The following SEMA5A variants were observed in gnomAD, a reference collection of about 807,000 sequenced individuals.
The protein encoded by SEMA5A is semaphorin 5A.
In SEMA5A, 55 loss-of-function variants were observed where a neutral mutation model predicts 135.5. The observed-to-expected ratio is 0.41, with a 90% CI of 0.33 to 0.51. The LOEUF (loss-of-function observed/expected upper bound fraction) is 0.51, where lower values mean the gene tolerates loss of function less well. Ranked by LOEUF, SEMA5A falls within the 20% of genes least tolerant of loss-of-function variation. SEMA5A has a pLI of 0.37. For synonymous variants in SEMA5A, 580 were observed against 546.5 expected (o/e 1.06, Z -0.85); for missense variants, 1,290 against 1,419.9 (o/e 0.91, Z 1.47).
intron 7 of SEMA5A, among the ~76,000 whole-genome samples, chr5:9,225,568 C>CAAA (rs3034595): frequency 0.041 from 4,576 of 112,214 alleles, 316 homozygotes; most frequent in African/African-American, 0.14. Flanking sequence ...GACTCTGTCT[C>CAAA]AAAAAAAAAA....
intron 16 of SEMA5A, among the ~76,000 whole-genome samples, chr5:9,075,350 A>G (rs763513235): frequency 6.6e-6 from 1 of 152,310 alleles, no homozygotes; most frequent in Middle Eastern, 3.4e-3. Flanking sequence ...AATGAAACAC[A>G]TGCCCATACA....
chr5:9,050,205 G>A (rs893789890), intron 21 of SEMA5A, among the ~76,000 whole-genome samples: 2 of 152,034 alleles, frequency 1.3e-5, no homozygotes, highest in African/African-American at 2.4e-5. Context: ...GTGGGTCTAC[G>A]CACCCCATTT....
At chr5:9,348,709 A>T (rs577235846) in intron 3 of SEMA5A, among the ~76,000 whole-genome samples, 1 of 152,334 alleles carries the variant, frequency 6.6e-6, no homozygotes, top group Admixed American at 6.5e-5. Flanking sequence ...AAAAATGAAC[A>T]ATTTCTATTC....
chr5:9,432,475 T>A (rs947718899), intron 2 of SEMA5A, among the ~76,000 whole-genome samples: 1 of 152,154 alleles, frequency 6.6e-6, no homozygotes, highest in African/African-American at 2.4e-5. Flanking sequence ...TTGGTCTCTT[T>A]GTCTAGTTTA....
intron 1 of SEMA5A, among the ~76,000 whole-genome samples, chr5:9,484,636 C>T (rs1169978753): frequency 1.3e-5 from 2 of 152,132 alleles, no homozygotes; most frequent in African/African-American, 4.8e-5. Flanking sequence ...TTATAAATGC[C>T]ATCACAGTTA....
chr5:9,513,594 C>T (rs960585849), intron 1 of SEMA5A, among the ~76,000 whole-genome samples: 16 of 152,088 alleles, frequency 1.1e-4, no homozygotes, highest in Admixed American at 2.6e-4. Flanking sequence ...GATATTGTGG[C>T]GGCGGCAGCT....
chr5:9,225,815 C>T (rs1747277434), intron 7 of SEMA5A, among the ~76,000 whole-genome samples: 2 of 152,042 alleles, frequency 1.3e-5, no homozygotes, highest in Non-Finnish European at 2.9e-5. Context: ...ATGAGAAAAG[C>T]TCTTGGGTAC....
chr5:9,270,391 T>C (rs1015190449), intron 5 of SEMA5A, among the ~76,000 whole-genome samples: 18 of 152,218 alleles, frequency 1.2e-4, no homozygotes, highest in African/African-American at 3.9e-4. Flanking sequence ...GGAGAATTAT[T>C]GAACCTGGGG....
At chr5:9,259,744 T>C (rs1378115276) in intron 5 of SEMA5A, among the ~76,000 whole-genome samples, 1 of 114,136 alleles carries the variant, frequency 8.8e-6, no homozygotes, top group East Asian at 2.7e-4. Context: ...TTCAAAGCAG[T>C]GTGTAGAGGG....
intron 13 of SEMA5A, among the ~76,000 whole-genome samples, chr5:9,124,458 T>C (rs948508226): frequency 6.6e-6 from 1 of 152,066 alleles, no homozygotes; most frequent in Non-Finnish European, 1.5e-5. Context: ...CCTCCTGTTT[T>C]GGTTGTTGTT....
intron 12 of SEMA5A, among the ~76,000 whole-genome samples, chr5:9,153,399 T>G (rs567392777): frequency 6.6e-6 from 1 of 152,322 alleles, no homozygotes; most frequent in African/African-American, 2.4e-5. Flanking sequence ...ATTTCCTAAG[T>G]ACCTGGGCCA....
At chr5:9,476,193 A>G (rs568805535) in intron 1 of SEMA5A, among the ~76,000 whole-genome samples, 1 of 152,346 alleles carries the variant, frequency 6.6e-6, no homozygotes, top group Non-Finnish European at 1.5e-5. Flanking sequence ...ACGATTAAAA[A>G]TAAAAAAAGC....
intron 2 of SEMA5A, among the ~76,000 whole-genome samples, chr5:9,413,269 CT>C (rs1757167162): frequency 6.6e-6 from 1 of 151,612 alleles, no homozygotes; most frequent in African/African-American, 2.4e-5. Flanking sequence ...ACACAGGCCA[CT>C]TATGACAGCA....
chr5:9,219,835 G>A (rs1045660346), intron 8 of SEMA5A, among the ~76,000 whole-genome samples: 1 of 152,166 alleles, frequency 6.6e-6, no homozygotes, highest in Non-Finnish European at 1.5e-5. Context: ...GAATGGGGTA[G>A]GCTGAGCTGA....
intron 1 of SEMA5A, among the ~76,000 whole-genome samples, chr5:9,538,731 C>G (rs745328073): frequency 1.2e-4 from 18 of 152,170 alleles, no homozygotes; most frequent in African/African-American, 1.4e-4. Context: ...GTTTTCATAA[C>G]AGAGATCACA....
chr5:9,140,655 CA>C (rs1452699528), intron 12 of SEMA5A, among the ~76,000 whole-genome samples: 1 of 152,168 alleles, frequency 6.6e-6, no homozygotes, highest in African/African-American at 2.4e-5. Flanking sequence ...GCTCCTATGG[CA>C]AACCTGAGAG....
At chr5:9,197,436 A>G (rs1806086) in intron 9 of SEMA5A, 133 bp from the exon 10 acceptor site, 167,089 of 1,073,540 alleles carry the variant, frequency 0.16, 14,135 homozygotes, top group Admixed American at 0.29. Context: ...TAAAGATCCC[A>G]AAAGGATGAA....
intron 3 of SEMA5A, among the ~76,000 whole-genome samples, chr5:9,340,609 G>A (rs1372791009): frequency 1.3e-5 from 2 of 151,984 alleles, no homozygotes. Context: ...ATGTACAGAG[G>A]AAAAAATGAG....
At chr5:9,484,789 AGCACTGG>A (rs1467481077) in intron 1 of SEMA5A, among the ~76,000 whole-genome samples, 2 of 152,168 alleles carry the variant, frequency 1.3e-5, no homozygotes, top group African/African-American at 2.4e-5. Flanking sequence ...ATGGATCCAC[AGCACTGG>A]GGTTCTATGG....
Sources: gnomAD v4.1 joint callset for allele counts (sites outside exome capture counted in the v4.1 genomes callset) on GRCh38, gnomAD v4.1.1 for gene constraint, MANE v1.5 for transcripts, NCBI Gene and HGNC (gene_info 2026-07-23, HGNC 2026-07-21) for gene names.